Variants in CNTN4 observed in about 807,000 individuals in gnomAD.
CNTN4 encodes contactin-4.
In CNTN4, 77 loss-of-function variants were observed where a neutral mutation model predicts 122.5. The observed-to-expected ratio is 0.63, with a 90% CI of 0.52 to 0.76. The LOEUF (loss-of-function observed/expected upper bound fraction) is 0.76. CNTN4 is among the 30% of genes least tolerant of loss of function. CNTN4 has a pLI of 0.00. For synonymous variants in CNTN4, 512 were observed against 447.0 expected (o/e 1.15, Z -1.83); for missense variants, 1,256 against 1,259.1 (o/e 1.00, Z 0.04).
At chr3:2,960,079 A>T (rs2094837745) in intron 13 of CNTN4, among the ~76,000 whole-genome samples, 1 of 152,140 alleles carries the variant, frequency 6.6e-6, no homozygotes, top group Non-Finnish European at 1.5e-5. Context: ...TTTCAGCTGA[A>T]TTTTCTTAAC....
At chr3:2,186,069 A>G (rs2037243086) in intron 2 of CNTN4, among the ~76,000 whole-genome samples, 1 of 151,812 alleles carries the variant, frequency 6.6e-6, no homozygotes, top group Admixed American at 6.6e-5. Flanking sequence ...TTCTAATGCT[A>G]TCCCTCCCCC....
At chr3:2,825,947 C>T (rs923975350) in intron 7 of CNTN4, among the ~76,000 whole-genome samples, 7 of 152,130 alleles carry the variant, frequency 4.6e-5, no homozygotes, top group African/African-American at 1.7e-4. Context: ...CAGGGACCTT[C>T]GAACACGAAC....
Position 2,823,903 on chromosome 3 carries a change from A to G in CNTN4, c.454+4322A>G, listed in dbSNP as rs116416915. On this transcript the variant is annotated intron_variant, in intron 7 of 24. Transcript: ENST00000418658. ...GGCCTCACCTGGAAATTTGATAAAAAGGTAAAATCTCAGACCCCACTACAG... is the reference window on the plus strand; with the variant it reads ...GGCCTCACCTGGAAATTTGATAAAAGGGTAAAATCTCAGACCCCACTACAG... Among the ~76,000 whole-genome samples the G allele has an allele frequency of 4.2e-3, 640 of 152,316 alleles. 10 individuals are homozygous for G. The highest frequency in any genetic ancestry group is 0.015 in the African/African-American group (604 of 41,560).
At chr3:2,111,450 A>G (rs569018551) in intron 2 of CNTN4, among the ~76,000 whole-genome samples, 16 of 152,252 alleles carry the variant, frequency 1.1e-4, no homozygotes, top group Non-Finnish European at 2.2e-4. Context: ...TATTAAGGTA[A>G]ACTCTTAAGA....
chr3:2,719,199 G>A (rs1268806422), intron 4 of CNTN4, among the ~76,000 whole-genome samples: 2 of 151,898 alleles, frequency 1.3e-5, no homozygotes, highest in African/African-American at 4.8e-5. Context: ...GAAAACATTT[G>A]TTGAATTAGT....
chr3:2,680,110 C>G (rs541554889), intron 4 of CNTN4, among the ~76,000 whole-genome samples: 1 of 152,142 alleles, frequency 6.6e-6, no homozygotes, highest in East Asian at 1.9e-4. Flanking sequence ...AAGTGAATCC[C>G]TGCCTTCAGC....
At chr3:2,621,868 A>G (rs1194474127) in intron 4 of CNTN4, among the ~76,000 whole-genome samples, 1 of 152,062 alleles carries the variant, frequency 6.6e-6, no homozygotes, top group Non-Finnish European at 1.5e-5. Context: ...GCTTCTCAGA[A>G]GATTGATGTT....
chr3:2,819,122 T>C (rs1260042407), intron 6 of CNTN4, among the ~76,000 whole-genome samples: 1 of 152,240 alleles, frequency 6.6e-6, no homozygotes, highest in Non-Finnish European at 1.5e-5. Context: ...TGTGATGTCC[T>C]GGCATGATGG....
chr3:2,414,013 C>A (rs992708628), intron 3 of CNTN4, among the ~76,000 whole-genome samples: 1 of 152,116 alleles, frequency 6.6e-6, no homozygotes, highest in African/African-American at 2.4e-5. Flanking sequence ...TCGTTGAATA[C>A]CGAGGATGGC....
chr3:2,443,769 A>G (rs74797534), intron 3 of CNTN4, among the ~76,000 whole-genome samples: 4,269 of 152,216 alleles, frequency 0.028, 232 homozygotes, highest in African/African-American at 0.097. Flanking sequence ...AGGGACCAAA[A>G]GCAGTGACCA....
At chr3:2,677,329 A>ATT (rs201013532) in intron 4 of CNTN4, among the ~76,000 whole-genome samples, 31 of 141,528 alleles carry the variant, frequency 2.2e-4, no homozygotes, top group African/African-American at 4.9e-4. Flanking sequence ...ACCCATTGAG[A>ATT]TTTTTTTTTT....
chr3:2,554,351 A>T (rs546588408), intron 3 of CNTN4, among the ~76,000 whole-genome samples: 1 of 152,036 alleles, frequency 6.6e-6, no homozygotes, highest in African/African-American at 2.4e-5. Flanking sequence ...GCAAAAAAAA[A>T]CCCAAACATA....
chr3:2,542,760 G>C (rs995528829), intron 3 of CNTN4, among the ~76,000 whole-genome samples: 2 of 152,102 alleles, frequency 1.3e-5, no homozygotes, highest in African/African-American at 2.4e-5. Context: ...TCAAATGGAA[G>C]AAGGCAAAAT....
intron 3 of CNTN4, among the ~76,000 whole-genome samples, chr3:2,521,343 T>TCGGGCC (rs781282977): frequency 7.8e-6 from 1 of 128,310 alleles, no homozygotes; most frequent in Non-Finnish European, 1.6e-5. Context: ...CCTCTACCCA[T>TCGGGCC]CCCCCCCACC....
chr3:2,680,446 G>A (rs909730422), intron 4 of CNTN4, among the ~76,000 whole-genome samples: 1 of 152,236 alleles, frequency 6.6e-6, no homozygotes, highest in South Asian at 2.1e-4. Flanking sequence ...CAGTGAGGCA[G>A]GCTTTCTGTA....
intron 3 of CNTN4, among the ~76,000 whole-genome samples, chr3:2,464,449 A>T (rs2075426347): frequency 6.6e-6 from 1 of 152,174 alleles, no homozygotes; most frequent in Non-Finnish European, 1.5e-5. Flanking sequence ...GCTTAAAGGA[A>T]TGTTGAGGAA....
rs191297158 is a variant in CNTN4, at chr3:2,729,665, G to A, written c.56-6550G>A. Among the ~76,000 whole-genome samples the A allele has an allele frequency of 8.5e-3, 1,271 of 150,066 alleles. 5 individuals carry two copies. The highest frequency in any genetic ancestry group is 0.014 in the Non-Finnish European group (970 of 67,416). Reference sequence around the variant, plus strand: ...AGCAGTGGCTCATGCCTGTAATCCCGGCACTTTGGGATGCGAAGGCAGGCG... The same window carrying A: ...AGCAGTGGCTCATGCCTGTAATCCCAGCACTTTGGGATGCGAAGGCAGGCG... On this transcript the variant is annotated intron_variant, in intron 4 of 24. Transcript: ENST00000418658.
chr3:2,192,309 T>A (rs936255334), intron 2 of CNTN4, among the ~76,000 whole-genome samples: 2 of 152,054 alleles, frequency 1.3e-5, no homozygotes, highest in East Asian at 1.9e-4. Context: ...CGCCACACTG[T>A]CTTCCACAAT....
At chr3:2,960,511 A>G (rs2094841817) in intron 13 of CNTN4, among the ~76,000 whole-genome samples, 1 of 152,236 alleles carries the variant, frequency 6.6e-6, no homozygotes. Context: ...GTTAAAATAA[A>G]ACATTTAGAC....
Sources: allele counts gnomAD v4.1 joint callset (sites outside exome capture counted in the v4.1 genomes callset), GRCh38; gene constraint gnomAD v4.1.1; transcripts MANE v1.5; gene names NCBI Gene and HGNC (gene_info 2026-07-23, HGNC 2026-07-21).